Variants in GOLGA3 observed in about 807,000 individuals in gnomAD.
The protein encoded by GOLGA3 is golgin A3, also known as golgin subfamily A member 3.
In GOLGA3, 75 loss-of-function variants were observed where a neutral mutation model predicts 169.4. The observed-to-expected ratio is 0.44, with a 90% CI of 0.37 to 0.54. The LOEUF is 0.54. Ranked by LOEUF, GOLGA3 falls within the 20% of genes least tolerant of loss-of-function variation. The probability of loss-of-function intolerance (pLI) is 0.00; values close to 1 mark genes in which losing one functional copy is unlikely to be tolerated. For synonymous variants in GOLGA3, 824 were observed against 822.4 expected (o/e 1.00, Z -0.03); for missense variants, 1,899 against 1,930.0 (o/e 0.98, Z 0.30).
At chr12:132,802,701 G>GA (rs1330198986) in intron 7 of GOLGA3, among the ~76,000 whole-genome samples, 1 of 151,952 alleles carries the variant, frequency 6.6e-6, no homozygotes, top group Non-Finnish European at 1.5e-5. Flanking sequence ...TAAACCAAAA[G>GA]AAAAAAATGA....
Position 132,772,205 on chromosome 12 carries a change from A to C in GOLGA3, c.*900T>G, listed in dbSNP as rs2044926182. 1.3e-5 allele frequency: 2 copies of C among 152,232 alleles called. No homozygotes were observed. The highest frequency in any genetic ancestry group is 1.3e-4 in the Admixed American group (2 of 15,292). 9.4% of individuals were successfully genotyped at this position (152,232 alleles called of 1,614,324 possible). On this transcript the variant is annotated 3_prime_UTR_variant, in exon 24 of 24. Coordinates refer to ENST00000450791, the MANE Select transcript of GOLGA3 (RefSeq NM_001389683.1). ...AACAAATTTTCAAAAGGCAATCAAT[A>C]ATAAGTAGGTTCTTCTTCAATAACA...
At chr12:132,806,699 T>C (rs1246122586) in intron 6 of GOLGA3, among the ~76,000 whole-genome samples, 1 of 152,190 alleles carries the variant, frequency 6.6e-6, no homozygotes, top group Non-Finnish European at 1.5e-5. Context: ...TACCTAGCTC[T>C]TCACTGTGGA....
At chr12:132,784,384 C>T in intron 15 of GOLGA3, 77 bp from the exon 16 acceptor site, 6 of 1,282,312 alleles carry the variant, frequency 4.7e-6, no homozygotes, top group Non-Finnish European at 5.4e-6. Flanking sequence ...TGCCGGCAGG[C>T]ATGAGGCTGT....
chr12:132,776,289 C>T (rs1478230862), intron 21 of GOLGA3, among the ~76,000 whole-genome samples: 7 of 147,322 alleles, frequency 4.8e-5, no homozygotes, highest in East Asian at 4.0e-4. Flanking sequence ...CTGCTGCTCC[C>T]GCCTGTGCCC....
chr12:132,804,855 G>A lies in GOLGA3; in HGVS notation c.1458C>T (p.Asp486=), dbSNP rs753165074. The A allele has an allele frequency of 6.2e-7, 1 of 1,614,180 alleles. No individual in the cohort carries two copies. The change falls in exon 7 of 24, where the codon GAC becomes GAT. Residue 486 remains aspartate (D), a synonymous_variant. Coordinates refer to ENST00000450791, the MANE Select transcript of GOLGA3 (RefSeq NM_001389683.1). This position sits in a 1 kb window ranked among gnomAD's most constrained non-coding sequence, Gnocchi z 4.1. ...TTTTTGCCTCCAGCATGTTCTGCAGGTCAGTCATGGCTCGCTCCAGGTCCC... is the reference window on the plus strand; with the variant it reads ...TTTTTGCCTCCAGCATGTTCTGCAGATCAGTCATGGCTCGCTCCAGGTCCC... The part of the protein sequence containing the change: ...SCWDLERAMT[D]LQNMLEAKNA...
rs768836676 is a variant in GOLGA3, at chr12:132,786,698, G to A, written c.2901C>T (p.Ala967=). The change falls in exon 14 of 24, where the codon GCC becomes GCT. Residue 967 remains alanine, a synonymous_variant. Transcript: ENST00000450791. The part of the protein sequence containing the change: ...KKQIEELQQE[A]RKAITEQKQK... Reference sequence around the variant, plus strand: ...CCGGGCACATGCAGACTTACTTCCGGGCCTCTTGCTGCAACTCTTCGATTT... The same window carrying A: ...CCGGGCACATGCAGACTTACTTCCGAGCCTCTTGCTGCAACTCTTCGATTT... 4 of 1,609,342 alleles carry A rather than the reference G, an allele frequency of 2.5e-6. No individual in the cohort carries two copies. The highest frequency in any genetic ancestry group is 3.4e-6 in the Non-Finnish European group (4 of 1,177,800).
At chr12:132,803,296 G>A (rs1949223958) in intron 7 of GOLGA3, among the ~76,000 whole-genome samples, 2 of 152,146 alleles carry the variant, frequency 1.3e-5, no homozygotes, top group South Asian at 4.1e-4. Flanking sequence ...TGAATACTGA[G>A]TTTGTGGTTC....
intron 9 of GOLGA3, 116 bp downstream of exon 9, chr12:132,798,224 T>A: frequency 1.1e-6 from 1 of 878,196 alleles, no homozygotes. Flanking sequence ...CTGCCCGCCA[T>A]CCATGAGAAT....
At chr12:132,806,222 A>G (rs1312179130) in intron 6 of GOLGA3, among the ~76,000 whole-genome samples, 1 of 152,230 alleles carries the variant, frequency 6.6e-6, no homozygotes, top group Non-Finnish European at 1.5e-5. Context: ...CTTGGTGTGG[A>G]TGCAACCGAA....
At chr12:132,824,556 G>C (rs1435745832) in intron 1 of GOLGA3, among the ~76,000 whole-genome samples, 1 of 152,156 alleles carries the variant, frequency 6.6e-6, no homozygotes, top group East Asian at 1.9e-4. Flanking sequence ...TAGATGTCTT[G>C]ACTCAGGGTG....
chr12:132,810,987 C>T (rs4758941), intron 4 of GOLGA3, among the ~76,000 whole-genome samples: 105,620 of 152,148 alleles, frequency 0.69, 36,954 homozygotes, highest in East Asian at 0.8. Context: ...GCAGAAATAA[C>T]GGCATAAGCT....
chr12:132,774,006 C>A lies in GOLGA3; in HGVS notation c.4307+151G>T, dbSNP rs545537420. On this transcript the variant is annotated intron_variant, in intron 23 of 23. Coordinates refer to ENST00000450791, the MANE Select transcript of GOLGA3 (RefSeq NM_001389683.1). ...TGTGCAAGTCCCTCCCTTATATAAA[C>A]CTCAGAGGCTATGTATGCGAGTCCC... The A allele has an allele frequency of 6.1e-6, 4 of 652,412 alleles. No individual in the cohort carries two copies. The African/African-American group carries it at 7.3e-5, about 12-fold the overall frequency. The allele number at this position is 652,412 out of a possible 1,614,324, so 40.4% of individuals were successfully genotyped here.
chr12:132,788,914 CAGACAGA>C, intron 13 of GOLGA3, 106 bp downstream of exon 13: 2 of 454,826 alleles, frequency 4.4e-6, no homozygotes, highest in Non-Finnish European at 6.5e-6. Flanking sequence ...GGCCCCGACC[CAGACAGA>C]CCCCGCCCCA....
chr12:132,773,191 C>A lies in GOLGA3; in HGVS notation c.4411G>T (p.Val1471Leu). 1 of 1,584,874 alleles carries A rather than the reference C, an allele frequency of 6.3e-7. No homozygotes were observed. The highest frequency in any genetic ancestry group is 8.6e-7 in the Non-Finnish European group (1 of 1,164,452). ...TPLEPATASP[V>L]PPGGHAGPRG... The stretch of plus-strand genomic sequence containing the variant: ...GGGCCGGCGTGACCCCCCGGGGGCA[C>A]AGGGCTGGCAGTGGCTGGCTCCAGC... Residue 1471 changes from valine to leucine, a missense_variant, in exon 24 of 24, where the codon GTG (valine) becomes TTG (leucine). Coordinates refer to ENST00000450791, the MANE Select transcript of GOLGA3 (RefSeq NM_001389683.1).
In GOLGA3 at chr12:132,782,459, T is replaced by A. The variant is rs367657560; in HGVS notation, c.3302A>T (p.Lys1101Ile). Residue 1101 changes from lysine (K) to isoleucine (I), a missense_variant, in exon 17 of 24, where the codon AAA (lysine) becomes ATA (isoleucine). Physicochemically the swap from Lys to Ile is moderately radical, Grantham distance 102. Coordinates refer to ENST00000450791, the MANE Select transcript of GOLGA3 (RefSeq NM_001389683.1). ...CTTCTTGTTTGACTCCTCAAGGCGTTTTATCTTCTTCCTAAAGCCTCTGGA... is the reference window on the plus strand; with the variant it reads ...CTTCTTGTTTGACTCCTCAAGGCGTATTATCTTCTTCCTAAAGCCTCTGGA... ...QESRGFRKKI[K>I]RLEESNKKLA... The A allele has an allele frequency of 3.1e-6, 5 of 1,614,132 alleles. No individual in the cohort carries two copies. Among genetic ancestry groups the A allele is most frequent in the Non-Finnish European group, 4.2e-6 (5 of 1,179,944 alleles).
intron 8 of GOLGA3, among the ~76,000 whole-genome samples, chr12:132,799,742 T>G (rs1051815597): frequency 2.0e-5 from 3 of 152,022 alleles, no homozygotes; most frequent in Non-Finnish European, 4.4e-5. Context: ...GTTGTTGGTT[T>G]TTTTTTTTTG....
In GOLGA3 at chr12:132,808,181, A is replaced by G; in HGVS notation, c.888T>C (p.Arg296=). Residue 296 remains arginine, a synonymous_variant, in exon 5 of 24, where the codon CGT becomes CGC. Transcript: ENST00000450791. Reference sequence around the variant, plus strand: ...CTCCAGCCAGGGAGGTGTTCTCCAGACGGTCGTCAGTGTCGGGGGACAGGC... The same window carrying G: ...CTCCAGCCAGGGAGGTGTTCTCCAGGCGGTCGTCAGTGTCGGGGGACAGGC... The part of the protein sequence containing the change: ...EISLSPDTDD[R]LENTSLAGDS... The G allele has an allele frequency of 1.2e-6, 2 of 1,613,122 alleles. No homozygotes were observed. Among genetic ancestry groups the G allele is most frequent in the East Asian group, 2.2e-5 (1 of 44,816 alleles).
chr12:132,795,290 G>A lies in GOLGA3; in HGVS notation c.2469+562C>T, dbSNP rs185638985. On this transcript the variant is annotated intron_variant, in intron 11 of 23. Coordinates refer to ENST00000450791, the MANE Select transcript of GOLGA3 (RefSeq NM_001389683.1). ...GCAGATCACTTGGGTTTAGGAGTTC[G>A]AGACTAGCCTGGCCAACATGGCAAA... Among the ~76,000 whole-genome samples, 325 of 152,100 alleles carry A rather than the reference G, an allele frequency of 2.1e-3. 3 individuals are homozygous for A. The highest frequency in any genetic ancestry group is 3.1e-3 in the Admixed American group (47 of 15,282).
At chr12:132,826,109 C>T (rs1177607915) in intron 1 of GOLGA3, 10 of 1,536,240 alleles carry the variant, frequency 6.5e-6, no homozygotes, top group Non-Finnish European at 9.0e-6. Flanking sequence ...TTGCCGGCCT[C>T]TGAGCAAGAC....
Sources: allele counts gnomAD v4.1 joint callset (sites outside exome capture counted in the v4.1 genomes callset), GRCh38; gene constraint gnomAD v4.1.1; non-coding constraint Gnocchi (gnomAD v3.1); transcripts MANE v1.5; gene names NCBI Gene and HGNC (gene_info 2026-07-23, HGNC 2026-07-21).